BBIP1: variants seen among roughly 807,000 people sequenced by gnomAD.
BBIP1 encodes BBSome-interacting protein 1.
In BBIP1, 6 loss-of-function variants were observed where a neutral mutation model predicts 8.9. That is an observed-to-expected ratio of 0.67 (90% CI 0.37 to 1.33). The LOEUF is 1.33. Ranked by LOEUF, BBIP1 falls within the 40% of genes most tolerant of loss-of-function variation. BBIP1 has a pLI of 0.02. For missense variants in BBIP1, 111 were observed against 109.2 expected (o/e 1.02, Z -0.07); for synonymous variants, 32 against 33.4 (o/e 0.96, Z 0.14).
intron 2 of BBIP1, 97 bp from the exon 3 acceptor site, chr10:110,901,709 A>C: frequency 1.1e-6 from 1 of 913,492 alleles, no homozygotes; most frequent in Non-Finnish European, 1.7e-6. Flanking sequence ...CCAAATTCCT[A>C]TAGAAAGTGA....
intron 2 of BBIP1, chr10:110,911,425 C>G (rs1260972273): frequency 1.3e-5 from 2 of 151,944 alleles, no homozygotes; most frequent in African/African-American, 4.8e-5. Context: ...TTTTAGTTTG[C>G]TTAAGAATAA....
At chr10:110,915,354 G>A (rs1308802572) in intron 2 of BBIP1, among the ~76,000 whole-genome samples, 1 of 151,766 alleles carries the variant, frequency 6.6e-6, no homozygotes, top group Non-Finnish European at 1.5e-5. Context: ...GGGTTTTGCC[G>A]TATTGCCCAG....
At chr10:110,917,039 C>G (rs1275070863) in intron 2 of BBIP1, among the ~76,000 whole-genome samples, 1 of 152,092 alleles carries the variant, frequency 6.6e-6, no homozygotes, top group East Asian at 1.9e-4. Context: ...GCTTAAGCCT[C>G]TAGACTAACT....
At chr10:110,907,704 A>G (rs1156529258) in intron 2 of BBIP1, 1 of 698,698 alleles carries the variant, frequency 1.4e-6, no homozygotes, top group East Asian at 2.7e-5. Context: ...TACCCCTCCG[A>G]TTGTCTTCAG....
chr10:110,907,463 T>C (rs560979514), intron 2 of BBIP1: 4 of 356,628 alleles, frequency 1.1e-5, no homozygotes, highest in South Asian at 1.2e-4. Flanking sequence ...CAGTGAGATA[T>C]GATCACGCCA....
chr10:110,912,874 A>C (rs1027581127), intron 2 of BBIP1, among the ~76,000 whole-genome samples: 1 of 152,164 alleles, frequency 6.6e-6, no homozygotes, highest in Admixed American at 6.5e-5. Flanking sequence ...TAATGTATCT[A>C]AACTTATCAG....
intron 2 of BBIP1, chr10:110,904,752 G>A (rs1437138895): frequency 6.6e-6 from 1 of 152,188 alleles, no homozygotes; most frequent in African/African-American, 2.4e-5. Flanking sequence ...AGCAATAGAT[G>A]AAGCTGACTA....
chr10:110,901,783 C>T (rs1846010206), intron 2 of BBIP1, 171 bp from the exon 3 acceptor site: 1 of 590,828 alleles, frequency 1.7e-6, no homozygotes, highest in Non-Finnish European at 3.0e-6. Context: ...TTTGTATAAG[C>T]ATTTAGATCT....
chr10:110,917,536 C>T (rs534449349), intron 2 of BBIP1, among the ~76,000 whole-genome samples: 26 of 152,156 alleles, frequency 1.7e-4, no homozygotes, highest in African/African-American at 6.0e-4. Context: ...TATATGAACA[C>T]TTTCATAATA....
intron 2 of BBIP1, among the ~76,000 whole-genome samples, chr10:110,917,438 G>A (rs1318986383): frequency 6.6e-6 from 1 of 151,686 alleles, no homozygotes; most frequent in Non-Finnish European, 1.5e-5. Context: ...AAGTGGGGAG[G>A]AATGAAAAAA....
At position 110,905,390 on chromosome 10, in the gene BBIP1, G is replaced by A. The variant is rs548505342; in HGVS notation, c.38-3778C>T. The stretch of plus-strand genomic sequence containing the variant: ...ATCCTGGCTAACATGGTGAAACCCC[G>A]TCTGTATTAAAAATACAAAAAATTA... On this transcript the variant is annotated intron_variant, in intron 2 of 3. Transcript: ENST00000448814. Among the ~76,000 whole-genome samples, 183 of 152,142 alleles carry A rather than the reference G, an allele frequency of 1.2e-3. 1 individual carries two copies. Among genetic ancestry groups the A allele is most frequent in the Non-Finnish European group, 1.3e-3 (89 of 67,990 alleles).
chr10:110,915,061 C>A (rs1395294005), intron 2 of BBIP1, among the ~76,000 whole-genome samples: 4 of 152,128 alleles, frequency 2.6e-5, no homozygotes. Flanking sequence ...AAGCCCAGTC[C>A]CCAAATCATC....
rs564996239 is a variant in BBIP1, at chr10:110,900,834, C to T, written c.113-308G>A. On this transcript the variant is annotated intron_variant, in intron 3 of 3. Transcript: ENST00000448814. ...TAAGATTTGGCAGAATATATATATA[C>T]ATAGTGCAAAAAAATATAGCAAAAT... is the stretch of plus-strand genomic sequence containing the variant. 4 of 286,326 alleles carry T rather than the reference C, an allele frequency of 1.4e-5. No individual in the cohort carries two copies. The East Asian group carries it at 3.4e-4, about 25-fold the overall frequency. 17.7% of individuals were successfully genotyped at this position (286,326 alleles called of 1,614,324 possible).
intron 2 of BBIP1, chr10:110,904,344 G>A (rs1264761021): frequency 6.6e-6 from 1 of 152,158 alleles, no homozygotes; most frequent in East Asian, 1.9e-4. Context: ...AATAAGGAGA[G>A]AAACAACAGC....
chr10:110,907,703 G>T (rs759215697), intron 2 of BBIP1: 2 of 698,114 alleles, frequency 2.9e-6, no homozygotes, highest in South Asian at 3.0e-5. Flanking sequence ...ATACCCCTCC[G>T]ATTGTCTTCA....
At chr10:110,914,326 T>G (rs1251313803) in intron 2 of BBIP1, among the ~76,000 whole-genome samples, 1 of 151,816 alleles carries the variant, frequency 6.6e-6, no homozygotes, top group Non-Finnish European at 1.5e-5. Context: ...CTGCCTAGTG[T>G]GGGGGTTCTG....
chr10:110,918,833 C>T (rs1846520376), intron 1 of BBIP1: 1 of 152,492 alleles, frequency 6.6e-6, no homozygotes, highest in South Asian at 2.1e-4. Context: ...TGGTTGGGGT[C>T]CACGGACTCA....
chr10:110,900,862 G>T, intron 3 of BBIP1: 1 of 237,578 alleles, frequency 4.2e-6, no homozygotes, highest in Non-Finnish European at 8.2e-6. Flanking sequence ...AGCAAAATAT[G>T]ATATTTAACG....
intron 2 of BBIP1, among the ~76,000 whole-genome samples, chr10:110,909,335 C>T (rs936601051): frequency 2.0e-5 from 3 of 152,078 alleles, no homozygotes; most frequent in African/African-American, 7.2e-5. Flanking sequence ...GTTGGGATTA[C>T]AGGCATGTGC....
Sources: gnomAD v4.1 joint callset for allele counts (sites outside exome capture counted in the v4.1 genomes callset) on GRCh38, gnomAD v4.1.1 for gene constraint, MANE v1.5 for transcripts, NCBI Gene and HGNC (gene_info 2026-07-23, HGNC 2026-07-21) for gene names.